Variants in PSD3 observed in about 807,000 individuals in gnomAD.
The protein encoded by PSD3 is PH and SEC7 domain-containing protein 3.
PSD3 carries 49 observed loss-of-function variants against 105.5 expected under a neutral mutation model. The observed-to-expected ratio is 0.46, with a 90% CI of 0.37 to 0.59. The LOEUF (loss-of-function observed/expected upper bound fraction) is 0.59. Among genes scored for constraint, PSD3 ranks in the 20% least tolerant of loss-of-function variants. PSD3 has a pLI of 0.00. For missense variants in PSD3, 1,561 were observed against 1,263.8 expected (o/e 1.24, Z -3.57); for synonymous variants, 557 against 457.8 (o/e 1.22, Z -2.77).
At chr8:18,984,799 C>T (rs1352475861) in intron 1 of PSD3, among the ~76,000 whole-genome samples, 1 of 152,166 alleles carries the variant, frequency 6.6e-6, no homozygotes, top group Non-Finnish European at 1.5e-5. Context: ...TGGGGTAGTA[C>T]GGCCAAGCTG....
intron 1 of PSD3, among the ~76,000 whole-genome samples, chr8:19,059,862 C>G (rs1050330326): frequency 8.5e-5 from 13 of 152,208 alleles, no homozygotes; most frequent in Non-Finnish European, 1.8e-4. Context: ...CTCCAGGGCA[C>G]CTACCAGGCT....
At chr8:18,727,491 C>A (rs528492430) in intron 9 of PSD3, among the ~76,000 whole-genome samples, 1 of 150,284 alleles carries the variant, frequency 6.7e-6, no homozygotes, top group Admixed American at 6.7e-5. Context: ...GCCTGGGTAA[C>A]AGAGCAAGAT....
chr8:18,879,580 A>T lies in PSD3; in HGVS notation c.131-6847T>A, dbSNP rs550113158. On this transcript the variant is annotated intron_variant, in intron 2 of 15. Transcript: ENST00000327040. ...GGACACTGAACCGTGAGAGATCATC[A>T]TTCATCATTGCTTTTTTTTTCTTTT... 4.0e-4 allele frequency among the ~76,000 whole-genome samples: 61 copies of T among 151,934 alleles called. 1 individual carries two copies. The Middle Eastern group carries it at 0.017, about 42-fold the overall frequency.
chr8:18,762,295 A>G (rs774097595), intron 9 of PSD3, among the ~76,000 whole-genome samples: 4 of 152,054 alleles, frequency 2.6e-5, no homozygotes, highest in Non-Finnish European at 5.9e-5. Flanking sequence ...TGCTCCGGCC[A>G]CTTAAGATGT....
intron 9 of PSD3, among the ~76,000 whole-genome samples, chr8:18,721,440 C>T (rs1167321863): frequency 6.6e-6 from 1 of 152,096 alleles, no homozygotes; most frequent in African/African-American, 2.4e-5. Flanking sequence ...CTGTATTTAT[C>T]CTTTTGTTTT....
rs78990547 is a variant in PSD3, at chr8:18,599,447, G to A, written c.2481+917C>T. On this transcript the variant is annotated intron_variant, in intron 12 of 15. Transcript: ENST00000327040. ...TCTTGAAGAGATATTTGCACCCCAT[G>A]TTCATTGCGGCATTACTCACAAAAG... is the stretch of plus-strand genomic sequence containing the variant. 1.1e-3 allele frequency among the ~76,000 whole-genome samples: 168 copies of A among 152,228 alleles called. 4 individuals are homozygous for A. The East Asian group carries it at 0.03, about 27-fold the overall frequency.
intron 11 of PSD3, among the ~76,000 whole-genome samples, chr8:18,615,542 T>C (rs1805595068): frequency 6.6e-6 from 1 of 152,262 alleles, no homozygotes; most frequent in Admixed American, 6.5e-5. Flanking sequence ...ATATTTTCTT[T>C]TGCAGCACTG....
At chr8:18,909,252 G>A (rs184201979) in intron 2 of PSD3, among the ~76,000 whole-genome samples, 19 of 152,234 alleles carry the variant, frequency 1.2e-4, no homozygotes, top group African/African-American at 4.3e-4. Context: ...AGCTCCTGAT[G>A]TACAGAAATG....
intron 2 of PSD3, among the ~76,000 whole-genome samples, chr8:18,924,168 AC>A (rs1821213114): frequency 6.6e-6 from 1 of 152,048 alleles, no homozygotes; most frequent in Non-Finnish European, 1.5e-5. Flanking sequence ...TATACCAAAA[AC>A]CCTAGCCAAA....
intron 2 of PSD3, among the ~76,000 whole-genome samples, chr8:18,921,138 A>G (rs146329976): frequency 1.3e-5 from 2 of 152,290 alleles, no homozygotes; most frequent in African/African-American, 4.8e-5. Flanking sequence ...ATCAAATTGC[A>G]TTTTCCTGTT....
chr8:18,973,400 G>C (rs1824759861), intron 1 of PSD3, among the ~76,000 whole-genome samples: 1 of 152,196 alleles, frequency 6.6e-6, no homozygotes, highest in African/African-American at 2.4e-5. Flanking sequence ...ATCTGGGTTG[G>C]ATTCTGGTGG....
At chr8:18,710,389 A>G (rs1455649432) in intron 9 of PSD3, among the ~76,000 whole-genome samples, 4 of 152,180 alleles carry the variant, frequency 2.6e-5, no homozygotes, top group Non-Finnish European at 4.4e-5. Context: ...TGAAAGAGAC[A>G]GGGGGAACAG....
intron 3 of PSD3, among the ~76,000 whole-genome samples, chr8:18,871,352 A>G (rs1238067207): frequency 6.6e-6 from 1 of 152,190 alleles, no homozygotes; most frequent in Non-Finnish European, 1.5e-5. Context: ...AAATGTCAGA[A>G]AAGAATTCAC....
intron 2 of PSD3, among the ~76,000 whole-genome samples, chr8:18,892,156 TG>T (rs1384907685): frequency 7.3e-6 from 1 of 137,076 alleles, no homozygotes; most frequent in African/African-American, 2.9e-5. Flanking sequence ...CCCTATTGTT[TG>T]CTGTCACTTA....
intron 10 of PSD3, among the ~76,000 whole-genome samples, chr8:18,648,090 G>A (rs9325837): frequency 0.35 from 52,582 of 151,936 alleles, 9,479 homozygotes; most frequent in South Asian, 0.49. Context: ...CAGAATAAAC[G>A]AATTCAGAAA....
intron 10 of PSD3, among the ~76,000 whole-genome samples, chr8:18,653,508 G>T (rs1585512855): frequency 6.6e-6 from 1 of 152,120 alleles, no homozygotes; most frequent in Non-Finnish European, 1.5e-5. Context: ...GCTCAGTCTT[G>T]CAAAAGAGGA....
chr8:18,856,329 G>A (rs1313850256), intron 4 of PSD3, among the ~76,000 whole-genome samples: 1 of 152,192 alleles, frequency 6.6e-6, no homozygotes, highest in Admixed American at 6.5e-5. Context: ...ATCTACTATA[G>A]AGCAGCTGCT....
At chr8:18,628,100 A>G (rs531813166) in intron 11 of PSD3, among the ~76,000 whole-genome samples, 4 of 152,020 alleles carry the variant, frequency 2.6e-5, no homozygotes, top group Non-Finnish European at 4.4e-5. Flanking sequence ...AAAGAGTTAA[A>G]AATATTGGAA....
chr8:18,566,720 A>G (rs1417423954), intron 14 of PSD3, among the ~76,000 whole-genome samples: 2 of 152,062 alleles, frequency 1.3e-5, no homozygotes, highest in African/African-American at 2.4e-5. Context: ...ATACTGCAGG[A>G]TATTTCTTTT....
Sources: allele counts gnomAD v4.1 joint callset (sites outside exome capture counted in the v4.1 genomes callset), GRCh38; gene constraint gnomAD v4.1.1; transcripts MANE v1.5; gene names NCBI Gene and HGNC (gene_info 2026-07-23, HGNC 2026-07-21).